TTBK2: variants seen among roughly 807,000 people sequenced by gnomAD.
TTBK2 encodes the protein tau tubulin kinase 2.
TTBK2 carries 28 observed loss-of-function variants against 110.8 expected under a neutral mutation model. That is an observed-to-expected ratio of 0.25 (90% CI 0.19 to 0.35). The LOEUF (loss-of-function observed/expected upper bound fraction) is 0.35. Among genes scored for constraint, TTBK2 ranks in the 10% least tolerant of loss-of-function variants. The pLI, the probability that TTBK2 is intolerant of heterozygous loss-of-function variation, is 1.00. For synonymous variants in TTBK2, 532 were observed against 527.3 expected (o/e 1.01, Z -0.12); for missense variants, 1,369 against 1,500.3 (o/e 0.91, Z 1.45).
chr15:42,743,707 C>A lies in TTBK2; in HGVS notation c.*2088G>T, dbSNP rs1212547971. ...CTCTGAACCAGTATTACAAGCATGT[C>A]CCTGTAATTTTTTCCCTATTAAAAT... is the stretch of plus-strand genomic sequence containing the variant. On this transcript the variant is annotated 3_prime_UTR_variant, in exon 15 of 15. Coordinates refer to ENST00000267890, the MANE Select transcript of TTBK2 (RefSeq NM_173500.4). The A allele has an allele frequency of 6.6e-6, 1 of 152,148 alleles. No individual in the cohort carries two copies. Among genetic ancestry groups the A allele is most frequent in the Non-Finnish European group, 1.5e-5 (1 of 68,022 alleles). 9.4% of individuals were successfully genotyped at this position (152,148 alleles called of 1,614,324 possible).
Position 42,775,764 on chromosome 15 carries a change from A to C in TTBK2, c.1410-41T>G, listed in dbSNP as rs372755474. On this transcript the variant is annotated intron_variant, in intron 12 of 14. Transcript: ENST00000267890. ...AGAAGTTACTCAACTGTCCTAAGGA[A>C]ACATTTATTATATAATATATAAGCT... 34 of 1,489,790 alleles carry C rather than the reference A, an allele frequency of 2.3e-5. 1 individual carries two copies. In the East Asian group the frequency reaches 3.9e-4, roughly 17 times the overall value. 92.3% of individuals were successfully genotyped at this position (1,489,790 alleles called of 1,614,324 possible).
rs146347658 is a variant in TTBK2 at position 42,762,247 on chromosome 15, T to C, written c.1999-9000A>G. On this transcript the variant is annotated intron_variant, in intron 13 of 14. Coordinates refer to ENST00000267890, the MANE Select transcript of TTBK2 (RefSeq NM_173500.4). ...ACAGTTACTACTATGGAGAAAAGTA[T>C]GTAGGTTCCTCAAAAAACTACAAAT... 3.3e-5 allele frequency among the ~76,000 whole-genome samples: 5 copies of C among 152,344 alleles called. 1 individual carries two copies. In the East Asian group the frequency reaches 7.7e-4, roughly 23 times the overall value.
intron 1 of TTBK2, among the ~76,000 whole-genome samples, chr15:42,906,644 A>G (rs1203308600): frequency 6.6e-6 from 1 of 152,204 alleles, no homozygotes. Context: ...GTAAAATCTC[A>G]AAAGCACAGG....
intron 1 of TTBK2, among the ~76,000 whole-genome samples, chr15:42,894,545 A>G (rs1467038344): frequency 6.6e-6 from 1 of 152,120 alleles, no homozygotes; most frequent in Non-Finnish European, 1.5e-5. Flanking sequence ...TGAGCCCAGG[A>G]GTTTGAGACC....
chr15:42,877,806 A>G (rs1894870861), intron 2 of TTBK2, among the ~76,000 whole-genome samples: 2 of 152,242 alleles, frequency 1.3e-5, no homozygotes, highest in African/African-American at 4.8e-5. Context: ...TGGTATTATG[A>G]TTATGTTTTT....
At chr15:42,788,094 T>C (rs1258305007) in intron 10 of TTBK2, among the ~76,000 whole-genome samples, 1 of 152,044 alleles carries the variant, frequency 6.6e-6, no homozygotes, top group African/African-American at 2.4e-5. Context: ...ACTACAGTAT[T>C]GTAATCTTAT....
At chr15:42,785,263 G>C (rs1466439528) in intron 10 of TTBK2, among the ~76,000 whole-genome samples, 1 of 151,932 alleles carries the variant, frequency 6.6e-6, no homozygotes, top group Non-Finnish European at 1.5e-5. Context: ...AGGATTACAG[G>C]CATGCACCAC....
chr15:42,813,607 G>A (rs1406665814), intron 7 of TTBK2, among the ~76,000 whole-genome samples: 1 of 152,168 alleles, frequency 6.6e-6, no homozygotes, highest in African/African-American at 2.4e-5. Context: ...CACTTTGGAA[G>A]GCTGAAGCTG....
chr15:42,763,172 A>G (rs1335882978), intron 13 of TTBK2, among the ~76,000 whole-genome samples: 2 of 14,326 alleles, frequency 1.4e-4, no homozygotes, highest in African/African-American at 6.8e-4. Flanking sequence ...ATATATATAT[A>G]TATATATATA....
At position 42,747,061 on chromosome 15, in the gene TTBK2, C is replaced by T. The variant is rs1349273140; in HGVS notation, c.3273-804G>A. 4.0e-5 allele frequency among the ~76,000 whole-genome samples: 6 copies of T among 151,620 alleles called. No homozygotes were observed. In the East Asian group the frequency reaches 1.2e-3, roughly 29 times the overall value. ...CTCACTGCAGTCTCGACCTCCTGGG[C>T]TCATGCAATCCTCCCACCTCAGCCT... On this transcript the variant is annotated intron_variant, in intron 14 of 14. Transcript: ENST00000267890.
intron 9 of TTBK2, among the ~76,000 whole-genome samples, chr15:42,807,986 T>C (rs555037799): frequency 1.3e-5 from 2 of 152,190 alleles, no homozygotes; most frequent in African/African-American, 4.8e-5. Context: ...AGGTGTAATA[T>C]GGGGTTAAAA....
chr15:42,880,757 C>T (rs879589936), intron 1 of TTBK2, among the ~76,000 whole-genome samples: 1 of 151,830 alleles, frequency 6.6e-6, no homozygotes, highest in Non-Finnish European at 1.5e-5. Flanking sequence ...GTATATCACA[C>T]AATAAATTTA....
chr15:42,765,472 C>A (rs1012658299), intron 13 of TTBK2, among the ~76,000 whole-genome samples: 1 of 152,144 alleles, frequency 6.6e-6, no homozygotes, highest in East Asian at 1.9e-4. Context: ...ATGATGCATG[C>A]ACAAGCTTCA....
chr15:42,872,327 G>A (rs755504178), intron 3 of TTBK2, among the ~76,000 whole-genome samples: 2 of 152,100 alleles, frequency 1.3e-5, no homozygotes, highest in Non-Finnish European at 2.9e-5. Context: ...GCAGACTTAT[G>A]ACAATACTTT....
At chr15:42,853,886 AAAAT>A (rs1417003370) in intron 3 of TTBK2, among the ~76,000 whole-genome samples, 3 of 149,488 alleles carry the variant, frequency 2.0e-5, no homozygotes, top group African/African-American at 7.7e-5. Context: ...GTCTCAAAAA[AAAAT>A]AAAAAATAAA....
intron 1 of TTBK2, among the ~76,000 whole-genome samples, chr15:42,904,960 C>T (rs1230620809): frequency 6.6e-6 from 1 of 152,012 alleles, no homozygotes; most frequent in East Asian, 1.9e-4. Flanking sequence ...CAACCTCAGC[C>T]TTCTGGGCTC....
intron 4 of TTBK2, among the ~76,000 whole-genome samples, chr15:42,838,356 GT>G (rs1893080545): frequency 1.4e-5 from 2 of 141,250 alleles, no homozygotes; most frequent in Non-Finnish European, 1.5e-5. Flanking sequence ...AATTCAGGGT[GT>G]GTGTGTGTGT....
chr15:42,817,640 TA>T (rs2140949713), intron 6 of TTBK2, among the ~76,000 whole-genome samples: 2 of 152,338 alleles, frequency 1.3e-5, no homozygotes, highest in East Asian at 3.9e-4. Context: ...TGCCACATAC[TA>T]GAAATAACAC....
intron 6 of TTBK2, among the ~76,000 whole-genome samples, chr15:42,822,550 T>C (rs1186169425): frequency 1.3e-5 from 2 of 152,094 alleles, no homozygotes; most frequent in Admixed American, 6.5e-5. Flanking sequence ...GAAAGTACTG[T>C]TGGTGTTAGA....
Sources: allele counts gnomAD v4.1 joint callset (sites outside exome capture counted in the v4.1 genomes callset), GRCh38; gene constraint gnomAD v4.1.1; transcripts MANE v1.5; gene names NCBI Gene and HGNC (gene_info 2026-07-23, HGNC 2026-07-21).